The following COL22A1 variants were observed in gnomAD, a reference collection of about 807,000 sequenced individuals.
COL22A1 encodes the protein collagen alpha-1(XXII) chain.
A neutral mutation model predicts 248.9 loss-of-function variants in COL22A1; 221 were observed. The ratio of observed to expected loss-of-function variants is 0.89; its 90% CI spans 0.80 to 0.99. COL22A1 has a LOEUF of 0.99. Ranked by LOEUF, COL22A1 falls within the 50% of genes least tolerant of loss-of-function variation. The pLI is 0.00. For synonymous variants in COL22A1, 891 were observed against 793.4 expected (o/e 1.12, Z -2.07); for missense variants, 2,240 against 2,179.0 (o/e 1.03, Z -0.56).
At chr8:138,667,844 T>G (rs1202894250) in intron 41 of COL22A1, among the ~76,000 whole-genome samples, 1 of 152,016 alleles carries the variant, frequency 6.6e-6, no homozygotes, top group Non-Finnish European at 1.5e-5. Flanking sequence ...TCCTGCTGGA[T>G]GAACACCCCA....
chr8:138,853,820 A>C (rs1821815556), intron 3 of COL22A1, among the ~76,000 whole-genome samples: 1 of 152,194 alleles, frequency 6.6e-6, no homozygotes, highest in Non-Finnish European at 1.5e-5. Context: ...ACGAACACTT[A>C]CAAGAGTAAG....
intron 45 of COL22A1, among the ~76,000 whole-genome samples, chr8:138,652,735 G>GTTTTTTTTTTTCTTTTTTTTTTTTTTTTT (rs1822859913): frequency 1.8e-5 from 1 of 54,244 alleles, no homozygotes; most frequent in Non-Finnish European, 3.5e-5. Context: ...TCCTTTTCTG[G>GTTTTTTTTTTTCTTTTTTTTTTTTTTTTT]TTTTTTTTTT....
intron 39 of COL22A1, among the ~76,000 whole-genome samples, chr8:138,683,364 C>T (rs2130845348): frequency 6.6e-6 from 1 of 152,328 alleles, no homozygotes; most frequent in East Asian, 1.9e-4. Flanking sequence ...GGAAACTTCC[C>T]TGTCCACTCA....
intron 2 of COL22A1, 32 bp from the exon 3 acceptor site, chr8:138,878,348 C>G: frequency 6.8e-7 from 1 of 1,470,950 alleles, no homozygotes; most frequent in Admixed American, 2.3e-5. Context: ...TGGCGTAGGG[C>G]AAATGGGCAT....
chr8:138,834,632 TA>T (rs11324504), intron 4 of COL22A1, among the ~76,000 whole-genome samples: 90,599 of 151,906 alleles, frequency 0.6, 27,284 homozygotes, highest in Middle Eastern at 0.72. Context: ...GCACTGGCTT[TA>T]TTTCATCTGT....
Position 138,839,130 on chromosome 8 carries a change from C to G in COL22A1, c.733+4954G>C, listed in dbSNP as rs542412390. ...TTCTCCATCCTTAAAATGCCTGCTG[C>G]TTTTGCTGTTCCTATTCAAGCATTT... On this transcript the variant is annotated intron_variant, in intron 4 of 64. Coordinates refer to ENST00000303045, the MANE Select transcript of COL22A1 (RefSeq NM_152888.3). 3.9e-5 allele frequency among the ~76,000 whole-genome samples: 6 copies of G among 152,286 alleles called. No individual in the cohort carries two copies. The South Asian group carries it at 1.2e-3, about 32-fold the overall frequency.
At position 138,669,317 on chromosome 8, in the gene COL22A1, G is replaced by A. The variant is rs185298434; in HGVS notation, c.3151-5577C>T. 2.0e-5 allele frequency among the ~76,000 whole-genome samples: 3 copies of A among 152,302 alleles called. No individual in the cohort carries two copies. In the South Asian group the frequency reaches 6.2e-4, roughly 32 times the overall value. On this transcript the variant is annotated intron_variant, in intron 41 of 64. Coordinates refer to ENST00000303045, the MANE Select transcript of COL22A1 (RefSeq NM_152888.3). ...GAGCAGGGAGTGCCGAAGAGGGCTC[G>A]GCCACGGCCGTGGGGTCTGATAAGG...
chr8:138,818,138 G>T (rs1818826376), intron 7 of COL22A1, among the ~76,000 whole-genome samples: 1 of 152,138 alleles, frequency 6.6e-6, no homozygotes, highest in South Asian at 2.1e-4. Context: ...TTCCCTCTGA[G>T]CCTCCGTATC....
chr8:138,623,661 A>G, intron 52 of COL22A1, 71 bp downstream of exon 52: 1 of 1,360,554 alleles, frequency 7.3e-7, no homozygotes, highest in Non-Finnish European at 1.0e-6. Flanking sequence ...ATAGCTCCTC[A>G]CACAAAGTAG....
intron 3 of COL22A1, among the ~76,000 whole-genome samples, chr8:138,862,162 G>C (rs1199271815): frequency 6.6e-6 from 1 of 152,056 alleles, no homozygotes; most frequent in Non-Finnish European, 1.5e-5. Context: ...AGGTTGCAGT[G>C]AGCCGAGATA....
In COL22A1 at chr8:138,700,127, T is replaced by A. The variant is rs777942067; in HGVS notation, c.2577A>T (p.Pro859=). 15 of 1,613,466 alleles carry A rather than the reference T, an allele frequency of 9.3e-6. No individual in the cohort carries two copies. The highest frequency in any genetic ancestry group is 6.7e-5 in the Admixed American group (4 of 59,946). ...TACTACTTACGGGCATCCGTGGATG[T>A]GGTGTGAACAGGGATGTCTGAAAAG... The part of the protein sequence containing the change: ...GLPGTTSLFT[P]HPRMPGEQGP... Residue 859 remains proline, a synonymous_variant, in exon 32 of 65, where the codon CCA becomes CCT. Transcript: ENST00000303045.
chr8:138,733,020 T>C (rs10113301), intron 23 of COL22A1, among the ~76,000 whole-genome samples: 11,125 of 152,260 alleles, frequency 0.073, 665 homozygotes, highest in African/African-American at 0.17. Context: ...TTTGGGAGTC[T>C]TCCTCTGAGA....
At chr8:138,755,615 T>A in intron 19 of COL22A1, 104 bp from the exon 20 acceptor site, 1 of 1,398,684 alleles carries the variant, frequency 7.1e-7, no homozygotes. Context: ...CATGCTGTCA[T>A]GTCGTGCCTC....
chr8:138,630,763 G>C lies in COL22A1; in HGVS notation c.3610-15C>G. On this transcript the variant is annotated splice_polypyrimidine_tract_variant and intron_variant, in intron 49 of 64. Transcript: ENST00000303045. ...CCATCTGCCCCCTAAAAAAGACAAG[G>C]CAGAAAGCTAGTTTCTTGTGCATCT... The C allele has an allele frequency of 6.2e-7, 1 of 1,613,152 alleles. No homozygotes were observed. Among genetic ancestry groups the C allele is most frequent in the Middle Eastern group, 1.7e-4 (1 of 6,056 alleles).
At chr8:138,806,254 A>G (rs1280065736) in intron 10 of COL22A1, among the ~76,000 whole-genome samples, 2 of 85,684 alleles carry the variant, frequency 2.3e-5, no homozygotes, top group African/African-American at 4.7e-5. Context: ...GTGTGTATAT[A>G]TGTGTGATGG....
chr8:138,796,389 CTTTTTTTTTTTTTT>C (rs11284610), intron 12 of COL22A1, among the ~76,000 whole-genome samples: 1 of 26,308 alleles, frequency 3.8e-5, no homozygotes. Context: ...TGCTACTTTC[CTTTTTTTTTTTTTT>C]TTTTTTTTTT....
At chr8:138,605,076 C>G (rs1328603504) in intron 58 of COL22A1, among the ~76,000 whole-genome samples, 1 of 152,064 alleles carries the variant, frequency 6.6e-6, no homozygotes, top group Non-Finnish European at 1.5e-5. Context: ...GATCAGGAGG[C>G]CTCTCTGAGA....
At chr8:138,737,671 T>A in intron 22 of COL22A1, 94 bp from the exon 23 acceptor site, 1 of 808,152 alleles carries the variant, frequency 1.2e-6, no homozygotes, top group Non-Finnish European at 2.1e-6. Flanking sequence ...TGGGTCTTTA[T>A]TACTCTCAAC....
rs757455885 is a variant in COL22A1, at chr8:138,694,491, A to G, written c.2700+17T>C. The stretch of plus-strand genomic sequence containing the variant: ...TCCAAGTCTCTGAGCCAGCAGGGGA[A>G]GGGATGGTTTTCTTACCGGTGGTCC... On this transcript the variant is annotated intron_variant, in intron 34 of 64. Coordinates refer to ENST00000303045, the MANE Select transcript of COL22A1 (RefSeq NM_152888.3). 1.2e-6 allele frequency: 2 copies of G among 1,612,824 alleles called. No homozygotes were observed. Among genetic ancestry groups the G allele is most frequent in the Non-Finnish European group, 1.7e-6 (2 of 1,178,904 alleles).
Sources: allele counts gnomAD v4.1 joint callset (sites outside exome capture counted in the v4.1 genomes callset), GRCh38; gene constraint gnomAD v4.1.1; transcripts MANE v1.5; gene names NCBI Gene and HGNC (gene_info 2026-07-23, HGNC 2026-07-21).